The following SNX29 variants were observed in gnomAD, a reference collection of about 807,000 sequenced individuals.
SNX29 encodes the protein sorting nexin 29, also known as sorting nexin-29.
A neutral mutation model predicts 102.1 loss-of-function variants in SNX29; 78 were observed. The ratio of observed to expected loss-of-function variants is 0.76; its 90% CI spans 0.64 to 0.92. SNX29 has a LOEUF of 0.92. SNX29 is among the 40% of genes least tolerant of loss of function. The pLI is 0.00. For synonymous variants in SNX29, 580 were observed against 414.5 expected (o/e 1.40, Z -4.85); for missense variants, 1,280 against 1,061.7 (o/e 1.21, Z -2.86).
Position 12,289,945 on chromosome 16 carries a change from C to G in SNX29, c.1782+11909C>G, listed in dbSNP as rs1596776925. Among the ~76,000 whole-genome samples, 3 of 152,088 alleles carry G rather than the reference C, an allele frequency of 2.0e-5. No homozygotes were observed. The East Asian group carries it at 5.8e-4, about 29-fold the overall frequency. On this transcript the variant is annotated intron_variant, in intron 15 of 20. Transcript: ENST00000566228. The stretch of plus-strand genomic sequence containing the variant: ...GGCTGTCCTGAATGCTGCATGAGCT[C>G]AGCCTGCAGGCAACATAAAGGGCTC...
chr16:12,044,826 C>T (rs1338394176), intron 5 of SNX29, among the ~76,000 whole-genome samples: 10 of 152,182 alleles, frequency 6.6e-5, no homozygotes, highest in Non-Finnish European at 1.5e-4. Context: ...CGTGATCCTC[C>T]CGCCTCGGCC....
chr16:12,501,204 T>A (rs1170883122), intron 19 of SNX29, among the ~76,000 whole-genome samples: 1 of 152,126 alleles, frequency 6.6e-6, no homozygotes, highest in Non-Finnish European at 1.5e-5. Flanking sequence ...AAAACCAGCC[T>A]GGGCAACATA....
chr16:12,548,869 C>G (rs978426505), intron 20 of SNX29, among the ~76,000 whole-genome samples: 2 of 152,192 alleles, frequency 1.3e-5, no homozygotes, highest in East Asian at 1.9e-4. Flanking sequence ...AGCCAGGGCC[C>G]TTGGCCTGAA....
intron 18 of SNX29, among the ~76,000 whole-genome samples, chr16:12,444,107 C>T (rs112359547): frequency 0.021 from 2,997 of 142,574 alleles, 64 homozygotes; most frequent in Non-Finnish European, 0.03. Context: ...GCACCTAGCA[C>T]GTAGTAAGCA....
chr16:12,561,215 A>G (rs938439230), intron 20 of SNX29: 8 of 230,950 alleles, frequency 3.5e-5, no homozygotes, highest in African/African-American at 1.8e-4. Context: ...CCCCGCAGCC[A>G]TGCAGTACAG....
intron 18 of SNX29, among the ~76,000 whole-genome samples, chr16:12,440,635 C>T (rs894910173): frequency 6.6e-6 from 1 of 152,118 alleles, no homozygotes; most frequent in Non-Finnish European, 1.5e-5. Flanking sequence ...TGGTGTTTCC[C>T]TCTGTGTCAC....
At chr16:12,446,419 C>T (rs559767114) in intron 18 of SNX29, among the ~76,000 whole-genome samples, 1 of 152,302 alleles carries the variant, frequency 6.6e-6, no homozygotes, top group Non-Finnish European at 1.5e-5. Context: ...AAAAGCTCAG[C>T]AGAGTCATTA....
At chr16:12,283,865 A>C (rs560176087) in intron 15 of SNX29, among the ~76,000 whole-genome samples, 17 of 152,200 alleles carry the variant, frequency 1.1e-4, no homozygotes, top group Non-Finnish European at 2.4e-4. Flanking sequence ...GTTGGCACCT[A>C]ACCACAGCTT....
chr16:12,128,497 G>C (rs564551425), intron 12 of SNX29, among the ~76,000 whole-genome samples: 2 of 141,524 alleles, frequency 1.4e-5, no homozygotes, highest in South Asian at 2.2e-4. Flanking sequence ...CTTTCTCCCA[G>C]GCTGGAGTGC....
In SNX29 at chr16:12,572,364, G is replaced by A. The variant is rs1026753435; in HGVS notation, c.*3735G>A. On this transcript the variant is annotated 3_prime_UTR_variant, in exon 21 of 21. Coordinates refer to ENST00000566228, the MANE Select transcript of SNX29 (RefSeq NM_032167.5). ...GCCTGGTTGATGGACAGCAGGCTCT[G>A]CCTTCTGGAGGCGGCTTATATCCCA... is the stretch of plus-strand genomic sequence containing the variant. The A allele has an allele frequency of 5.6e-6, 6 of 1,062,914 alleles. No homozygotes were observed. In the African/African-American group the frequency reaches 8.2e-5, roughly 15 times the overall value. 65.8% of individuals were successfully genotyped at this position (1,062,914 alleles called of 1,614,324 possible). A position where few individuals can be genotyped will look rare whatever the true frequency, so the allele number is the denominator to read the frequency against.
chr16:12,009,583 G>T (rs984590721), intron 3 of SNX29, among the ~76,000 whole-genome samples: 5 of 152,016 alleles, frequency 3.3e-5, no homozygotes, highest in East Asian at 1.9e-4. Context: ...GGAAATGCAG[G>T]CGAGACTTGT....
intron 20 of SNX29, among the ~76,000 whole-genome samples, chr16:12,556,816 A>G (rs13330080): frequency 0.015 from 2,325 of 152,244 alleles, 55 homozygotes; most frequent in African/African-American, 0.052. Flanking sequence ...AAAGTACAGA[A>G]GCCCAGAGGA....
intron 3 of SNX29, among the ~76,000 whole-genome samples, 177 bp from the exon 4 acceptor site, chr16:12,027,143 G>A (rs974733057): frequency 3.3e-5 from 5 of 152,200 alleles, no homozygotes; most frequent in African/African-American, 2.4e-5. Flanking sequence ...ACATCAACAC[G>A]GGAGGTGTGT....
At chr16:12,161,771 G>T (rs74978257) in intron 13 of SNX29, among the ~76,000 whole-genome samples, 65,330 of 147,948 alleles carry the variant, frequency 0.44, 18,574 homozygotes, top group African/African-American at 0.82. Flanking sequence ...CTCCCTGCCC[G>T]CCCTTCTTCT....
At chr16:12,040,185 A>G (rs1048932832) in intron 4 of SNX29, among the ~76,000 whole-genome samples, 1 of 152,110 alleles carries the variant, frequency 6.6e-6, no homozygotes, top group African/African-American at 2.4e-5. Flanking sequence ...CAGCCTGCAC[A>G]ACATAGCAGA....
intron 15 of SNX29, among the ~76,000 whole-genome samples, chr16:12,318,243 C>T (rs752919395): frequency 3.3e-5 from 5 of 152,230 alleles, no homozygotes; most frequent in African/African-American, 1.2e-4. Flanking sequence ...CTAGATTTTA[C>T]AGCCAGCAGG....
intron 14 of SNX29, among the ~76,000 whole-genome samples, chr16:12,209,107 C>A (rs2077118451): frequency 6.6e-6 from 1 of 152,118 alleles, no homozygotes; most frequent in Admixed American, 6.6e-5. Context: ...AAAAAGAGGG[C>A]TTTAGATAAA....
chr16:11,982,861 A>G (rs1195215544), intron 1 of SNX29, among the ~76,000 whole-genome samples: 4 of 152,150 alleles, frequency 2.6e-5, no homozygotes, highest in Non-Finnish European at 5.9e-5. Flanking sequence ...TTAATGGGTA[A>G]TTTACTGCTG....
intron 14 of SNX29, among the ~76,000 whole-genome samples, chr16:12,215,569 T>C (rs1347003912): frequency 2.0e-5 from 3 of 152,106 alleles, no homozygotes; most frequent in African/African-American, 4.8e-5. Context: ...GGGGGGTGCC[T>C]GGTCTTTTTA....
Sources: gnomAD v4.1 joint callset for allele counts (sites outside exome capture counted in the v4.1 genomes callset) on GRCh38, gnomAD v4.1.1 for gene constraint, MANE v1.5 for transcripts, NCBI Gene and HGNC (gene_info 2026-07-23, HGNC 2026-07-21) for gene names.